Variants in RNGTT observed in about 807,000 individuals in gnomAD.
RNGTT encodes the protein RNA guanylyltransferase and 5'-phosphatase.
Under a neutral mutation model 79.3 loss-of-function variants are expected in RNGTT, and 33 were observed. The ratio of observed to expected loss-of-function variants is 0.42; its 90% CI spans 0.32 to 0.56. The LOEUF is 0.56. Ranked by LOEUF, RNGTT falls within the 20% of genes least tolerant of loss-of-function variation. The probability of loss-of-function intolerance (pLI) is 0.17; values close to 1 mark genes in which losing one functional copy is unlikely to be tolerated. For synonymous variants in RNGTT, 222 were observed against 235.9 expected (o/e 0.94, Z 0.54); for missense variants, 497 against 739.1 (o/e 0.67, Z 3.80).
intron 14 of RNGTT, among the ~76,000 whole-genome samples, chr6:88,645,601 G>A (rs1313800856): frequency 6.6e-6 from 1 of 152,108 alleles, no homozygotes; most frequent in Admixed American, 6.5e-5. Context: ...TGACTCCAAA[G>A]TATACTACAA....
At chr6:88,692,238 A>G (rs940361749) in intron 13 of RNGTT, among the ~76,000 whole-genome samples, 16 of 152,164 alleles carry the variant, frequency 1.1e-4, no homozygotes, top group African/African-American at 3.6e-4. Context: ...GCAAGAAAGA[A>G]GAATGCAAGC....
intron 13 of RNGTT, among the ~76,000 whole-genome samples, chr6:88,693,215 A>G (rs1775543923): frequency 2.6e-5 from 4 of 152,078 alleles, no homozygotes; most frequent in Admixed American, 1.3e-4. Context: ...AGATAAACAA[A>G]ATTGGCAAAC....
chr6:88,800,972 G>T (rs1779764059), intron 12 of RNGTT, among the ~76,000 whole-genome samples: 1 of 152,170 alleles, frequency 6.6e-6, no homozygotes, highest in Admixed American at 6.5e-5. Flanking sequence ...GAATTATCTG[G>T]CCCAACACAT....
At chr6:88,659,609 T>C (rs1393515289) in intron 14 of RNGTT, among the ~76,000 whole-genome samples, 8 of 138,246 alleles carry the variant, frequency 5.8e-5, no homozygotes, top group Admixed American at 3.3e-4. Flanking sequence ...AGAAAAAGAA[T>C]TAAAAAAAAA....
chr6:88,618,110 C>A (rs1010721696), intron 14 of RNGTT, among the ~76,000 whole-genome samples: 3 of 152,128 alleles, frequency 2.0e-5, no homozygotes, highest in African/African-American at 7.2e-5. Context: ...CTGACTGTAA[C>A]AATTAAGCAG....
At chr6:88,857,077 T>C (rs1347179888) in intron 8 of RNGTT, among the ~76,000 whole-genome samples, 2 of 152,124 alleles carry the variant, frequency 1.3e-5, no homozygotes, top group Admixed American at 6.6e-5. Context: ...GCCAGATGTA[T>C]AGACTACTTT....
At chr6:88,821,134 C>T (rs1780484947) in intron 11 of RNGTT, among the ~76,000 whole-genome samples, 1 of 151,870 alleles carries the variant, frequency 6.6e-6, no homozygotes, top group African/African-American at 2.4e-5. Flanking sequence ...AGAATAGAAC[C>T]CAGAAATAGA....
intron 13 of RNGTT, among the ~76,000 whole-genome samples, chr6:88,698,219 TATCA>T (rs1406708922): frequency 2.4e-4 from 21 of 87,898 alleles, no homozygotes; most frequent in African/African-American, 1.2e-3. Context: ...GAAATATATA[TATCA>T]TATATATATG....
chr6:88,610,630 T>G lies in RNGTT; in HGVS notation c.*2089A>C, dbSNP rs2127843503. 1 of 152,312 alleles carries G rather than the reference T, an allele frequency of 6.6e-6. No homozygotes were observed. Among genetic ancestry groups the G allele is most frequent in the Non-Finnish European group, 1.5e-5 (1 of 68,026 alleles). 9.4% of individuals were successfully genotyped at this position (152,312 alleles called of 1,614,324 possible). The stretch of plus-strand genomic sequence containing the variant: ...TGTTCAGGGGCTAAATGGGATCTAC[T>G]TATAAGGCCAACTACTCTATGTCAC... On this transcript the variant is annotated 3_prime_UTR_variant, in exon 16 of 16. Coordinates refer to ENST00000369485, the MANE Select transcript of RNGTT (RefSeq NM_003800.5).
intron 13 of RNGTT, among the ~76,000 whole-genome samples, chr6:88,678,697 T>C (rs930379365): frequency 2.6e-5 from 4 of 151,994 alleles, no homozygotes; most frequent in African/African-American, 7.3e-5. Context: ...AGCAGGAGGA[T>C]TGCTTGACTC....
chr6:88,839,947 T>A (rs1165452750), intron 11 of RNGTT, among the ~76,000 whole-genome samples: 1 of 152,114 alleles, frequency 6.6e-6, no homozygotes, highest in Non-Finnish European at 1.5e-5. Context: ...AAACAAAGAG[T>A]TATAGAGCAA....
rs542313415 is a variant in RNGTT at position 88,767,349 on chromosome 6, T to C, written c.1439+2425A>G. ...AACGTACTATGAATAAAGGCAAAAC[T>C]AGGATGACAAACTACTAAACTGAAT... On this transcript the variant is annotated intron_variant, in intron 13 of 15. Coordinates refer to ENST00000369485, the MANE Select transcript of RNGTT (RefSeq NM_003800.5). Among the ~76,000 whole-genome samples, 17 of 152,090 alleles carry C rather than the reference T, an allele frequency of 1.1e-4. 1 individual carries two copies. The South Asian group carries it at 3.5e-3, about 32-fold the overall frequency.
At chr6:88,938,135 T>C (rs1051976104) in intron 2 of RNGTT, among the ~76,000 whole-genome samples, 1 of 152,206 alleles carries the variant, frequency 6.6e-6, no homozygotes, top group African/African-American at 2.4e-5. Context: ...GGTGCTGAAG[T>C]CTCCAACTAC....
chr6:88,770,428 C>T (rs1778613955), intron 12 of RNGTT, among the ~76,000 whole-genome samples: 1 of 152,126 alleles, frequency 6.6e-6, no homozygotes, highest in Admixed American at 6.6e-5. Flanking sequence ...TAAAGAAACA[C>T]TTTATGTAAG....
intron 13 of RNGTT, among the ~76,000 whole-genome samples, chr6:88,733,374 CT>C (rs1441991363): frequency 2.7e-5 from 4 of 149,956 alleles, no homozygotes; most frequent in Non-Finnish European, 4.4e-5. Flanking sequence ...CCCACCCCCC[CT>C]CCAAAAAAAA....
chr6:88,638,882 C>T (rs1416706159), intron 14 of RNGTT, among the ~76,000 whole-genome samples: 1 of 152,120 alleles, frequency 6.6e-6, no homozygotes, highest in Non-Finnish European at 1.5e-5. Flanking sequence ...ATGTAAGCAA[C>T]ATTTGAAAAC....
chr6:88,738,839 T>TACACACAC (rs200498670), intron 13 of RNGTT, among the ~76,000 whole-genome samples: 8,695 of 142,500 alleles, frequency 0.061, 325 homozygotes, highest in Non-Finnish European at 0.094. Context: ...ATAAATAAAA[T>TACACACAC]ACACACACAC....
chr6:88,619,296 G>C (rs1772356660), intron 14 of RNGTT, among the ~76,000 whole-genome samples: 4 of 152,028 alleles, frequency 2.6e-5, no homozygotes, highest in Admixed American at 2.6e-4. Context: ...CTCCCAAGCA[G>C]TTGAGACCAC....
Position 88,621,338 on chromosome 6 carries a change from A to G in RNGTT, c.1507-6943T>C, listed in dbSNP as rs148676657. Among the ~76,000 whole-genome samples, 5 of 152,268 alleles carry G rather than the reference A, an allele frequency of 3.3e-5. No individual in the cohort carries two copies. The East Asian group carries it at 9.7e-4, about 29-fold the overall frequency. On this transcript the variant is annotated intron_variant, in intron 14 of 15. Coordinates refer to ENST00000369485, the MANE Select transcript of RNGTT (RefSeq NM_003800.5). The stretch of plus-strand genomic sequence containing the variant: ...AAAATATGTGCTCTTCATTGGTTGT[A>G]CCAGTTTAGAGTAGAGGAGATCCTC...
Sources: gnomAD v4.1 joint callset for allele counts (sites outside exome capture counted in the v4.1 genomes callset) on GRCh38, gnomAD v4.1.1 for gene constraint, MANE v1.5 for transcripts, NCBI Gene and HGNC (gene_info 2026-07-23, HGNC 2026-07-21) for gene names.